KIF26B: variants seen among roughly 807,000 people sequenced by gnomAD.
KIF26B encodes the protein kinesin family member 26B.
A neutral mutation model predicts 151.2 loss-of-function variants in KIF26B; 63 were observed. That is an observed-to-expected ratio of 0.42 (90% confidence interval 0.34 to 0.51). The LOEUF (loss-of-function observed/expected upper bound fraction) is 0.51. Among genes scored for constraint, KIF26B ranks in the 20% least tolerant of loss-of-function variants. KIF26B has a pLI of 0.07. For missense variants in KIF26B, 2,813 were observed against 2,913.6 expected (o/e 0.97, Z 0.79); for synonymous variants, 1,357 against 1,262.1 (o/e 1.08, Z -1.59).
chr1:245,577,077 G>A (rs1413579663), intron 5 of KIF26B, among the ~76,000 whole-genome samples: 1 of 152,022 alleles, frequency 6.6e-6, no homozygotes, highest in Non-Finnish European at 1.5e-5. Context: ...CTTCACCATC[G>A]ACTTTTCAAA....
intron 10 of KIF26B, among the ~76,000 whole-genome samples, chr1:245,678,441 T>C (rs905421091): frequency 2.0e-5 from 3 of 151,934 alleles, no homozygotes; most frequent in African/African-American, 7.3e-5. Context: ...TCCTTAAGAG[T>C]GCGAGTGGTA....
rs563570177 is a variant in KIF26B at position 245,526,731 on chromosome 1, G to A, written c.1167-14036G>A. ...GGATTAAAGGCTTTACTCGCTCTGC[G>A]AAGGCTGCCCATTTCTAGCTATCAC... On this transcript the variant is annotated intron_variant, in intron 4 of 14. Coordinates refer to ENST00000407071, the MANE Select transcript of KIF26B (RefSeq NM_018012.4). 3.9e-5 allele frequency among the ~76,000 whole-genome samples: 6 copies of A among 152,302 alleles called. No individual in the cohort carries two copies. The East Asian group carries it at 9.6e-4, about 24-fold the overall frequency.
At chr1:245,368,046 T>C (rs901932141) in intron 3 of KIF26B, among the ~76,000 whole-genome samples, 1 of 152,160 alleles carries the variant, frequency 6.6e-6, no homozygotes, top group Admixed American at 6.6e-5. Flanking sequence ...GAATAAAATA[T>C]ACGAAGGAAC....
intron 2 of KIF26B, among the ~76,000 whole-genome samples, chr1:245,221,169 T>C (rs899293195): frequency 2.0e-5 from 3 of 151,976 alleles, no homozygotes; most frequent in African/African-American, 4.8e-5. Flanking sequence ...GTAGCCTATA[T>C]CCAAATATTT....
chr1:245,697,788 C>T (rs2044713619), intron 12 of KIF26B, among the ~76,000 whole-genome samples: 1 of 152,050 alleles, frequency 6.6e-6, no homozygotes, highest in African/African-American at 2.4e-5. Context: ...ACTTGTAATC[C>T]CAGCACTTCG....
chr1:245,521,275 T>C (rs1255853406), intron 4 of KIF26B, among the ~76,000 whole-genome samples: 1 of 151,504 alleles, frequency 6.6e-6, no homozygotes, highest in Non-Finnish European at 1.5e-5. Flanking sequence ...AGGCGGAGCT[T>C]GCAGTGAGCC....
intron 5 of KIF26B, among the ~76,000 whole-genome samples, chr1:245,549,423 G>A (rs1043857095): frequency 3.3e-5 from 5 of 152,114 alleles, no homozygotes; most frequent in African/African-American, 9.7e-5. Context: ...GTTAAGCTCA[G>A]CACAATTAGA....
intron 2 of KIF26B, among the ~76,000 whole-genome samples, chr1:245,230,198 T>C (rs1669967191): frequency 6.7e-6 from 1 of 149,184 alleles, no homozygotes; most frequent in African/African-American, 2.5e-5. Context: ...ACCTACAGTG[T>C]AACTAGAGAC....
intron 2 of KIF26B, among the ~76,000 whole-genome samples, chr1:245,249,694 G>A (rs1164379101): frequency 6.6e-6 from 1 of 152,070 alleles, no homozygotes; most frequent in Admixed American, 6.6e-5. Context: ...TGGTGGCCAG[G>A]CTGGTCTGGA....
At chr1:245,464,365 G>A (rs12059515) in intron 4 of KIF26B, among the ~76,000 whole-genome samples, 35,893 of 151,490 alleles carry the variant, frequency 0.24, 4,376 homozygotes, top group East Asian at 0.27. Flanking sequence ...GGGTGTGTGC[G>A]TGTGTGGGTG....
intron 2 of KIF26B, among the ~76,000 whole-genome samples, chr1:245,325,661 A>G (rs1392870719): frequency 1.3e-5 from 2 of 152,148 alleles, no homozygotes; most frequent in Non-Finnish European, 2.9e-5. Context: ...CGGTGAGCCA[A>G]GATCGCATCG....
intron 2 of KIF26B, chr1:245,353,670 G>C (rs2103001795): frequency 6.5e-6 from 1 of 152,850 alleles, no homozygotes; most frequent in Non-Finnish European, 1.5e-5. Context: ...GAGAGGTGTG[G>C]CCAAGTTCCT....
At chr1:245,453,433 G>T (rs969153022) in intron 4 of KIF26B, among the ~76,000 whole-genome samples, 2 of 151,628 alleles carry the variant, frequency 1.3e-5, no homozygotes, top group African/African-American at 4.8e-5. Context: ...TATTGATTTT[G>T]GTTCCTGAGT....
chr1:245,387,328 C>A (rs989697423), intron 3 of KIF26B, among the ~76,000 whole-genome samples: 1 of 151,960 alleles, frequency 6.6e-6, no homozygotes, highest in Non-Finnish European at 1.5e-5. Flanking sequence ...CCCTACCTGG[C>A]AAATTTTTGT....
At chr1:245,620,925 C>A (rs1335396078) in intron 9 of KIF26B, among the ~76,000 whole-genome samples, 1 of 152,166 alleles carries the variant, frequency 6.6e-6, no homozygotes, top group Non-Finnish European at 1.5e-5. Context: ...TAGACCACAG[C>A]CTCCACTAAC....
intron 10 of KIF26B, among the ~76,000 whole-genome samples, chr1:245,647,324 C>T (rs560609547): frequency 1.4e-5 from 2 of 145,856 alleles, no homozygotes; most frequent in East Asian, 4.2e-4. Context: ...ACTCAGGAGG[C>T]TGAGGCAGGA....
At chr1:245,211,277 A>G (rs114137770) in intron 2 of KIF26B, among the ~76,000 whole-genome samples, 2,607 of 152,266 alleles carry the variant, frequency 0.017, 77 homozygotes, top group African/African-American at 0.06. Context: ...TCATGGCAGT[A>G]GAAAGTCTCT....
rs374789081 is a variant in KIF26B, at chr1:245,284,900, G to A, written c.466-81934G>A. The stretch of plus-strand genomic sequence containing the variant: ...AATAAAAATACAAAATTAGCCGGGC[G>A]TGGTGGCGCATGCCTGTAATCCCAG... On this transcript the variant is annotated intron_variant, in intron 2 of 14. Coordinates refer to ENST00000407071, the MANE Select transcript of KIF26B (RefSeq NM_018012.4). Among the ~76,000 whole-genome samples, 55 of 152,270 alleles carry A rather than the reference G, an allele frequency of 3.6e-4. No homozygotes were observed. The South Asian group carries it at 9.1e-3, about 25-fold the overall frequency.
rs1489149989 is a variant in KIF26B at position 245,166,251 on chromosome 1, C to A, written c.465+9568C>A. On this transcript the variant is annotated intron_variant, in intron 2 of 14. Transcript: ENST00000407071. This position sits in a 1 kb window ranked among gnomAD's most constrained non-coding sequence, Gnocchi z 4.5. ...GAATTTTATATAAGATTCCTACCCT[C>A]CTTCCTTCCCTCCTTCCTTCCCTCT... Among the ~76,000 whole-genome samples, 1 of 152,122 alleles carries A rather than the reference C, an allele frequency of 6.6e-6. No homozygotes were observed. Among genetic ancestry groups the A allele is most frequent in the Non-Finnish European group, 1.5e-5 (1 of 68,006 alleles).
Sources: allele counts gnomAD v4.1 joint callset (sites outside exome capture counted in the v4.1 genomes callset), GRCh38; gene constraint gnomAD v4.1.1; non-coding constraint Gnocchi (gnomAD v3.1); transcripts MANE v1.5; gene names NCBI Gene and HGNC (gene_info 2026-07-23, HGNC 2026-07-21).